The following IGF1R variants were observed in gnomAD, a reference collection of about 807,000 sequenced individuals.
IGF1R encodes insulin like growth factor 1 receptor, also known as insulin-like growth factor 1 receptor.
IGF1R carries 44 observed loss-of-function variants against 144.6 expected under a neutral mutation model. That is an observed-to-expected ratio of 0.30 (90% CI 0.24 to 0.39). The LOEUF (loss-of-function observed/expected upper bound fraction) is 0.39. Ranked by LOEUF, IGF1R falls within the 10% of genes least tolerant of loss-of-function variation. The probability of loss-of-function intolerance (pLI) is 1.00; values close to 1 mark genes in which losing one functional copy is unlikely to be tolerated. For synonymous variants in IGF1R, 795 were observed against 722.8 expected (o/e 1.10, Z -1.60); for missense variants, 1,355 against 1,833.7 (o/e 0.74, Z 4.77).
chr15:98,786,858 C>A (rs1362487841), intron 2 of IGF1R, among the ~76,000 whole-genome samples: 3 of 152,166 alleles, frequency 2.0e-5, no homozygotes, highest in Admixed American at 2.0e-4. Flanking sequence ...GAACGTGAAG[C>A]CTTTCCCCAC....
rs749479928 is a variant in IGF1R at position 98,957,493 on chromosome 15, G to C, written c.*51G>C. ...CAGTAACGTGTGCGCACGCGCAGCG[G>C]GGTGGGGGGGGAGAGAGAGTTTTAA... On this transcript the variant is annotated 3_prime_UTR_variant, in exon 21 of 21. Transcript: ENST00000650285. The C allele has an allele frequency of 4.4e-6, 7 of 1,609,026 alleles. No homozygotes were observed. Among genetic ancestry groups the C allele is most frequent in the Non-Finnish European group, 5.9e-6 (7 of 1,178,244 alleles).
intron 2 of IGF1R, among the ~76,000 whole-genome samples, chr15:98,779,402 C>G (rs1014644744): frequency 6.6e-6 from 1 of 152,206 alleles, no homozygotes; most frequent in African/African-American, 2.4e-5. Context: ...AAGAACACTG[C>G]TCTGTGCTAT....
At chr15:98,651,378 C>G (rs1437623410) in intron 1 of IGF1R, among the ~76,000 whole-genome samples, 3 of 152,232 alleles carry the variant, frequency 2.0e-5, no homozygotes, top group Non-Finnish European at 4.4e-5. Flanking sequence ...TCTAAACTTT[C>G]AGCGGACTCG....
chr15:98,961,971 T>A lies in IGF1R; in HGVS notation c.*4529T>A, dbSNP rs149893400. On this transcript the variant is annotated 3_prime_UTR_variant, in exon 21 of 21. Coordinates refer to ENST00000650285, the MANE Select transcript of IGF1R (RefSeq NM_000875.5). ...CAAATGGCGAGATGCTCGGTGCACA[T>A]TGGGGTGCTTTGGGATAAAAGATTT... 2.6e-5 allele frequency: 6 copies of A among 233,198 alleles called. No individual in the cohort carries two copies. Among genetic ancestry groups the A allele is most frequent in the Non-Finnish European group, 3.4e-5 (4 of 118,066 alleles). 14.4% of individuals were successfully genotyped at this position (233,198 alleles called of 1,614,324 possible).
At chr15:98,834,100 G>T (rs1001790998) in intron 2 of IGF1R, among the ~76,000 whole-genome samples, 1 of 152,190 alleles carries the variant, frequency 6.6e-6, no homozygotes, top group African/African-American at 2.4e-5. Context: ...CTGTCCCCAA[G>T]AAATTAATCC....
chr15:98,701,202 A>G (rs952227204), intron 1 of IGF1R, among the ~76,000 whole-genome samples: 1 of 152,172 alleles, frequency 6.6e-6, no homozygotes, highest in African/African-American at 2.4e-5. Flanking sequence ...ATTAGAGTTA[A>G]AGATGATGAT....
intron 2 of IGF1R, among the ~76,000 whole-genome samples, chr15:98,755,379 A>G (rs1452176707): frequency 6.6e-6 from 1 of 152,106 alleles, no homozygotes; most frequent in African/African-American, 2.4e-5. Flanking sequence ...GTGTTTCACT[A>G]ATGAAACAGG....
chr15:98,835,396 C>T (rs1271745086), intron 2 of IGF1R, among the ~76,000 whole-genome samples: 3 of 152,196 alleles, frequency 2.0e-5, no homozygotes, highest in Non-Finnish European at 4.4e-5. Flanking sequence ...CTTACCCTTT[C>T]AAAGCAAGTT....
intron 1 of IGF1R, among the ~76,000 whole-genome samples, chr15:98,650,271 C>T (rs949051423): frequency 6.6e-6 from 1 of 152,216 alleles, no homozygotes; most frequent in African/African-American, 2.4e-5. Flanking sequence ...TCCCGTCGCC[C>T]AACGTGCTTT....
chr15:98,674,572 G>A (rs2052983129), intron 1 of IGF1R, among the ~76,000 whole-genome samples: 1 of 152,132 alleles, frequency 6.6e-6, no homozygotes, highest in East Asian at 1.9e-4. Context: ...TAAAAATAAC[G>A]TGCAGCTATG....
chr15:98,878,862 G>A (rs544553561), intron 2 of IGF1R, among the ~76,000 whole-genome samples: 7 of 152,008 alleles, frequency 4.6e-5, no homozygotes, highest in Non-Finnish European at 8.8e-5. Flanking sequence ...TGGGCGTGGT[G>A]GTGGGCGCCT....
intron 1 of IGF1R, among the ~76,000 whole-genome samples, chr15:98,698,986 T>C (rs2053661833): frequency 6.6e-6 from 1 of 152,244 alleles, no homozygotes; most frequent in African/African-American, 2.4e-5. Flanking sequence ...ACTGGAATGA[T>C]GTAATGTGTT....
chr15:98,881,211 G>A (rs993720606), intron 2 of IGF1R, among the ~76,000 whole-genome samples: 2 of 152,150 alleles, frequency 1.3e-5, no homozygotes, highest in East Asian at 1.9e-4. Flanking sequence ...TTAGTGTGGC[G>A]GAGAAAAGGG....
chr15:98,843,803 A>T (rs1396670072), intron 2 of IGF1R, among the ~76,000 whole-genome samples: 2 of 152,206 alleles, frequency 1.3e-5, no homozygotes, highest in Admixed American at 1.3e-4. Context: ...TATTAAATTA[A>T]CAGTTGCTAG....
intron 2 of IGF1R, among the ~76,000 whole-genome samples, chr15:98,889,346 G>T (rs2013794322): frequency 6.6e-6 from 1 of 152,192 alleles, no homozygotes; most frequent in Non-Finnish European, 1.5e-5. Context: ...CAGCGAAATA[G>T]GAACTCTTGG....
intron 2 of IGF1R, among the ~76,000 whole-genome samples, chr15:98,854,822 G>A (rs2011704947): frequency 6.6e-6 from 1 of 152,148 alleles, no homozygotes; most frequent in Non-Finnish European, 1.5e-5. Context: ...CTGCCCCAGT[G>A]TTCTGGTTCC....
chr15:98,896,026 T>C (rs534058200), intron 3 of IGF1R, among the ~76,000 whole-genome samples: 1 of 152,236 alleles, frequency 6.6e-6, no homozygotes, highest in South Asian at 2.1e-4. Flanking sequence ...CCAGTCTTAC[T>C]TGTCCCTGAC....
chr15:98,719,507 T>C (rs1000957440), intron 2 of IGF1R, among the ~76,000 whole-genome samples: 6 of 152,000 alleles, frequency 3.9e-5, no homozygotes, highest in African/African-American at 1.5e-4. Context: ...GTGCCAAAGG[T>C]GGGTGATGAG....
At chr15:98,757,828 A>G (rs1434248304) in intron 2 of IGF1R, among the ~76,000 whole-genome samples, 1 of 152,036 alleles carries the variant, frequency 6.6e-6, no homozygotes, top group Non-Finnish European at 1.5e-5. Context: ...TATTGCTTTC[A>G]TCTTATTCAA....
Sources: allele counts gnomAD v4.1 joint callset (sites outside exome capture counted in the v4.1 genomes callset), GRCh38; gene constraint gnomAD v4.1.1; transcripts MANE v1.5; gene names NCBI Gene and HGNC (gene_info 2026-07-23, HGNC 2026-07-21).